The following RGS7 variants were observed in gnomAD, a reference collection of about 807,000 sequenced individuals.
The protein encoded by RGS7 is regulator of G protein signaling 7.
Under a neutral mutation model 81.1 loss-of-function variants are expected in RGS7, and 27 were observed. That is an observed-to-expected ratio of 0.33 (90% CI 0.25 to 0.46). The LOEUF is 0.46. Among genes scored for constraint, RGS7 ranks in the 20% least tolerant of loss-of-function variants. The pLI is 1.00. For missense variants in RGS7, 396 were observed against 607.4 expected (o/e 0.65, Z 3.66); for synonymous variants, 208 against 207.7 (o/e 1.00, Z -0.01).
intron 3 of RGS7, among the ~76,000 whole-genome samples, chr1:241,006,582 C>A (rs932574173): frequency 2.0e-5 from 3 of 152,118 alleles, no homozygotes; most frequent in Non-Finnish European, 2.9e-5. Context: ...AACAACAGAT[C>A]CTGATTTAGT....
At chr1:241,269,802 T>A (rs1411454065) in intron 2 of RGS7, among the ~76,000 whole-genome samples, 1 of 152,196 alleles carries the variant, frequency 6.6e-6, no homozygotes, top group Non-Finnish European at 1.5e-5. Context: ...AATCTATGAA[T>A]TTTCAAGTGT....
intron 2 of RGS7, among the ~76,000 whole-genome samples, chr1:241,122,717 T>C (rs2066376436): frequency 1.3e-5 from 2 of 151,346 alleles, no homozygotes; most frequent in East Asian, 1.9e-4. Flanking sequence ...TAGCTTAGTC[T>C]AGTCTTACCT....
Position 241,142,807 on chromosome 1 carries a change from A to C in RGS7, c.79-44045T>G, listed in dbSNP as rs574551013. 8.5e-5 allele frequency among the ~76,000 whole-genome samples: 13 copies of C among 152,316 alleles called. No homozygotes were observed. In the South Asian group the frequency reaches 2.7e-3, roughly 32 times the overall value. ...ATGCAGCCAGCTTGATTTTCTCCTC[A>C]GAAAACGGGATTTTCTTTTCTATCA... On this transcript the variant is annotated intron_variant, in intron 2 of 18. Transcript: ENST00000440928.
intron 3 of RGS7, among the ~76,000 whole-genome samples, chr1:241,096,284 C>T (rs910927242): frequency 3.9e-5 from 6 of 152,114 alleles, no homozygotes; most frequent in African/African-American, 1.4e-4. Context: ...ACAATCCCCA[C>T]AGATTATAAG....
At chr1:240,855,329 G>GGA (rs1660899819) in intron 9 of RGS7, among the ~76,000 whole-genome samples, 1 of 114,846 alleles carries the variant, frequency 8.7e-6, no homozygotes, top group African/African-American at 3.6e-5. Flanking sequence ...AAAAAAAAAG[G>GGA]AGAAACAAAG....
intron 3 of RGS7, among the ~76,000 whole-genome samples, chr1:241,029,405 C>T (rs982203405): frequency 3.9e-5 from 6 of 152,038 alleles, no homozygotes; most frequent in African/African-American, 1.2e-4. Context: ...GAAAATCTGA[C>T]GTGGGGTTTG....
At chr1:241,061,379 A>G (rs1474285984) in intron 3 of RGS7, among the ~76,000 whole-genome samples, 1 of 152,244 alleles carries the variant, frequency 6.6e-6, no homozygotes, top group Non-Finnish European at 1.5e-5. Context: ...GAGGACATCA[A>G]GAAAAATTTA....
chr1:240,970,690 A>G (rs1683063264), intron 4 of RGS7, among the ~76,000 whole-genome samples: 1 of 152,166 alleles, frequency 6.6e-6, no homozygotes, highest in African/African-American at 2.4e-5. Context: ...GGTGTTGTTA[A>G]ATGTGTAAAA....
intron 2 of RGS7, among the ~76,000 whole-genome samples, chr1:241,282,328 G>A (rs111791921): frequency 7.2e-5 from 11 of 152,240 alleles, no homozygotes; most frequent in African/African-American, 2.6e-4. Flanking sequence ...AAAGACAATT[G>A]TAAGTGGTAT....
intron 2 of RGS7, among the ~76,000 whole-genome samples, chr1:241,160,356 T>C (rs992593141): frequency 3.3e-5 from 5 of 152,168 alleles, no homozygotes; most frequent in South Asian, 2.1e-4. Flanking sequence ...TGTTGAATAA[T>C]AGACATTATT....
intron 16 of RGS7, among the ~76,000 whole-genome samples, chr1:240,802,249 G>A (rs900198398): frequency 6.6e-6 from 1 of 152,094 alleles, no homozygotes; most frequent in Non-Finnish European, 1.5e-5. Context: ...TGATGTTTAT[G>A]TCCAGATTTT....
At chr1:240,864,619 T>C (rs1662886714) in intron 9 of RGS7, among the ~76,000 whole-genome samples, 1 of 151,956 alleles carries the variant, frequency 6.6e-6, no homozygotes, top group Non-Finnish European at 1.5e-5. Context: ...AAGGCTTAAA[T>C]AAAAATGCAA....
At chr1:241,244,455 A>C (rs150276964) in intron 2 of RGS7, among the ~76,000 whole-genome samples, 4,140 of 152,236 alleles carry the variant, frequency 0.027, 190 homozygotes, top group African/African-American at 0.093. Flanking sequence ...GTCAGGAAAC[A>C]ACAGGTGCTG....
chr1:241,013,053 CTTTTTTTTTTTT>C (rs146066815), intron 3 of RGS7, among the ~76,000 whole-genome samples: 2 of 80,312 alleles, frequency 2.5e-5, no homozygotes, highest in African/African-American at 4.6e-5. Flanking sequence ...CTGACCCCTC[CTTTTTTTTTTTT>C]TTTTTTTTTT....
chr1:240,790,547 A>C (rs111303647), intron 18 of RGS7, among the ~76,000 whole-genome samples: 1 of 152,240 alleles, frequency 6.6e-6, no homozygotes, highest in African/African-American at 2.4e-5. Flanking sequence ...ACTAGTTGTC[A>C]TCTAGAGGAA....
rs112906828 is a variant in RGS7 at position 240,980,594 on chromosome 1, T to C, written c.226+2485A>G. ...TCATGACCAGTTTCAAAAGGCATGA[T>C]TGGTTTCATATAGGCAGCCACCAAA... On this transcript the variant is annotated intron_variant, in intron 4 of 18. Coordinates refer to ENST00000440928, the MANE Select transcript of RGS7 (RefSeq NM_001364886.1). 7.2e-4 allele frequency among the ~76,000 whole-genome samples: 109 copies of C among 152,252 alleles called. 1 individual carries two copies. The highest frequency in any genetic ancestry group is 2.6e-3 in the African/African-American group (107 of 41,538).
chr1:241,206,147 T>C (rs1180737777), intron 2 of RGS7, among the ~76,000 whole-genome samples: 1 of 152,054 alleles, frequency 6.6e-6, no homozygotes, highest in Non-Finnish European at 1.5e-5. Flanking sequence ...TGGCCTGAAC[T>C]AATGCAACAG....
At chr1:241,243,929 T>C (rs1239499813) in intron 2 of RGS7, among the ~76,000 whole-genome samples, 1 of 152,106 alleles carries the variant, frequency 6.6e-6, no homozygotes, top group African/African-American at 2.4e-5. Context: ...GATATGCAAA[T>C]ATATAGCAGA....
intron 9 of RGS7, among the ~76,000 whole-genome samples, chr1:240,842,294 T>C (rs1261252163): frequency 1.4e-5 from 2 of 144,930 alleles, no homozygotes; most frequent in African/African-American, 5.1e-5. Context: ...CGCCTCCCGG[T>C]TTCAAGCGAT....
Sources: allele counts gnomAD v4.1 joint callset (sites outside exome capture counted in the v4.1 genomes callset), GRCh38; gene constraint gnomAD v4.1.1; transcripts MANE v1.5; gene names NCBI Gene and HGNC (gene_info 2026-07-23, HGNC 2026-07-21).